NDUFS4: variants seen among roughly 807,000 people sequenced by gnomAD.
The protein encoded by NDUFS4 is NADH dehydrogenase [ubiquinone] iron-sulfur protein 4, mitochondrial.
Under a neutral mutation model 24.3 loss-of-function variants are expected in NDUFS4, and 28 were observed. The observed-to-expected ratio is 1.15, with a 90% CI of 0.85 to 1.58. NDUFS4 has a LOEUF of 1.58. Among genes scored for constraint, NDUFS4 ranks in the 40% most tolerant of loss-of-function variants. The pLI is 0.00. For synonymous variants in NDUFS4, 93 were observed against 69.7 expected, an observed-to-expected ratio of 1.34 and a Z score of -1.67; for missense variants, 223 against 207.9, an observed-to-expected ratio of 1.07 and a Z score of -0.45.
chr5:53,669,091 A>G (rs565740220), intron 4 of NDUFS4, among the ~76,000 whole-genome samples: 6 of 152,324 alleles, frequency 3.9e-5, no homozygotes, highest in South Asian at 4.1e-4. Flanking sequence ...AATAGAGACT[A>G]TATGGCCCCA....
At chr5:53,615,966 A>G (rs571191616) in intron 2 of NDUFS4, among the ~76,000 whole-genome samples, 1 of 152,072 alleles carries the variant, frequency 6.6e-6, no homozygotes, top group African/African-American at 2.4e-5. Flanking sequence ...TTTTAAACCT[A>G]ATTGGGTAGT....
At chr5:53,591,816 A>G (rs1424244133) in intron 1 of NDUFS4, among the ~76,000 whole-genome samples, 1 of 151,718 alleles carries the variant, frequency 6.6e-6, no homozygotes, top group Non-Finnish European at 1.5e-5. Flanking sequence ...CTAATGACAT[A>G]TGATATTGAG....
At chr5:53,637,896 AC>A (rs1285717423) in intron 2 of NDUFS4, among the ~76,000 whole-genome samples, 1 of 152,150 alleles carries the variant, frequency 6.6e-6, no homozygotes, top group East Asian at 1.9e-4. Flanking sequence ...AGATGAGGCA[AC>A]TTAGACTATT....
Position 53,683,298 on chromosome 5 carries a change from A to ACAT in NDUFS4, c.*79_*81dup, listed in dbSNP as rs143274494. 3,830 of 1,009,284 alleles carry ACAT rather than the reference A, an allele frequency of 3.8e-3. 90 individuals are homozygous for ACAT. In the African/African-American group the frequency reaches 0.05, roughly 13 times the overall value. 62.5% of individuals were successfully genotyped at this position (1,009,284 alleles called of 1,614,324 possible). ...TATTTATAGTCCATGTATAATAAAT[A>ACAT]CATCTCTTAATCTCCTAATAAATTG... On this transcript the variant is annotated 3_prime_UTR_variant, in exon 5 of 5. Transcript: ENST00000296684.
At chr5:53,570,544 T>C (rs1212508320) in intron 1 of NDUFS4, among the ~76,000 whole-genome samples, 1 of 152,192 alleles carries the variant, frequency 6.6e-6, no homozygotes, top group African/African-American at 2.4e-5. Flanking sequence ...TCCTGGGTCA[T>C]AGCTAAGTGT....
At chr5:53,627,380 A>G (rs1375316769) in intron 2 of NDUFS4, among the ~76,000 whole-genome samples, 1 of 152,196 alleles carries the variant, frequency 6.6e-6, no homozygotes. Flanking sequence ...TTTTGGTTCC[A>G]TATGAAATTT....
intron 4 of NDUFS4, 122 bp from the exon 5 acceptor site, chr5:53,682,994 CAT>C (rs1740721343): frequency 1.3e-6 from 1 of 773,106 alleles, no homozygotes; most frequent in Non-Finnish European, 2.4e-6. Flanking sequence ...GATGTGTTGA[CAT>C]ATACTCTTGA....
intron 2 of NDUFS4, among the ~76,000 whole-genome samples, chr5:53,621,714 T>C: frequency 7.7e-6 from 1 of 129,058 alleles, no homozygotes; most frequent in African/African-American, 2.8e-5. Context: ...TTTTTTTTTT[T>C]TTTTTGAGAC....
rs1291710451 is a variant in NDUFS4 at position 53,683,156 on chromosome 5, C to T, written c.463C>T (p.Pro155Ser). The T allele has an allele frequency of 6.2e-7, 1 of 1,612,426 alleles. No homozygotes were observed. The highest frequency in any genetic ancestry group is 8.5e-7 in the Non-Finnish European group (1 of 1,178,824). ...CATTGAAGAGAGGAAGGTTCCAAAACCCAAGTCCAAGTCTTATGGTGCAAA... is the reference window on the plus strand; with the variant it reads ...CATTGAAGAGAGGAAGGTTCCAAAATCCAAGTCCAAGTCTTATGGTGCAAA... The part of the protein sequence containing the change: ...YDIEERKVPK[P>S]KSKSYGANFS... Residue 155 changes from proline to serine, a missense_variant, in exon 5 of 5, where the codon CCC becomes TCC. Pro to Ser is a moderately conservative substitution (Grantham distance 74). Transcript: ENST00000296684.
At chr5:53,590,337 T>C (rs552807498) in intron 1 of NDUFS4, among the ~76,000 whole-genome samples, 3 of 152,310 alleles carry the variant, frequency 2.0e-5, no homozygotes, top group African/African-American at 7.2e-5. Flanking sequence ...AATCTATTAA[T>C]AAAGATTCAC....
At chr5:53,647,333 A>G (rs1191216421) in intron 3 of NDUFS4, among the ~76,000 whole-genome samples, 2 of 151,948 alleles carry the variant, frequency 1.3e-5, no homozygotes, top group Non-Finnish European at 2.9e-5. Context: ...TCCCACCTTA[A>G]TCCCCCAAGT....
At chr5:53,590,931 C>T (rs1213655859) in intron 1 of NDUFS4, among the ~76,000 whole-genome samples, 1 of 152,160 alleles carries the variant, frequency 6.6e-6, no homozygotes, top group Non-Finnish European at 1.5e-5. Flanking sequence ...CACAGTAATT[C>T]TCTATTCTTC....
intron 2 of NDUFS4, among the ~76,000 whole-genome samples, chr5:53,628,265 C>T (rs1751290112): frequency 6.6e-6 from 1 of 152,132 alleles, no homozygotes; most frequent in Admixed American, 6.5e-5. Context: ...TTTTGATGTG[C>T]TGCTGGATTT....
intron 1 of NDUFS4, among the ~76,000 whole-genome samples, chr5:53,579,876 G>A (rs1749499928): frequency 6.6e-6 from 1 of 152,240 alleles, no homozygotes; most frequent in Admixed American, 6.5e-5. Flanking sequence ...AGAGATTGGA[G>A]TGATGTGACT....
intron 4 of NDUFS4, among the ~76,000 whole-genome samples, chr5:53,682,779 A>G (rs1490561252): frequency 1.3e-5 from 2 of 152,116 alleles, no homozygotes; most frequent in Admixed American, 1.3e-4. Context: ...CTTCATTGCA[A>G]CTATTTTAAA....
chr5:53,620,814 CTATGA>C (rs1005000442), intron 2 of NDUFS4, among the ~76,000 whole-genome samples: 27 of 152,250 alleles, frequency 1.8e-4, no homozygotes, highest in African/African-American at 6.5e-4. Context: ...GCAACATACT[CTATGA>C]TTTCAATTTT....
intron 1 of NDUFS4, among the ~76,000 whole-genome samples, chr5:53,582,235 TA>T (rs1561341079): frequency 4.1e-5 from 6 of 147,388 alleles, no homozygotes; most frequent in Non-Finnish European, 7.4e-5. Context: ...TAAAATAAAA[TA>T]AAATAAAATT....
At chr5:53,613,985 T>C (rs888090094) in intron 2 of NDUFS4, among the ~76,000 whole-genome samples, 18 of 152,056 alleles carry the variant, frequency 1.2e-4, no homozygotes, top group African/African-American at 3.9e-4. Context: ...ATTATTACAT[T>C]GTATTTCATA....
intron 1 of NDUFS4, among the ~76,000 whole-genome samples, chr5:53,582,544 A>C (rs1489619604): frequency 6.6e-6 from 1 of 152,242 alleles, no homozygotes; most frequent in Non-Finnish European, 1.5e-5. Context: ...TGTGAACATG[A>C]GGAGAATGTG....
Sources: allele counts gnomAD v4.1 joint callset (sites outside exome capture counted in the v4.1 genomes callset), GRCh38; gene constraint gnomAD v4.1.1; transcripts MANE v1.5; gene names NCBI Gene and HGNC (gene_info 2026-07-23, HGNC 2026-07-21).